Variants in MSH6 observed in about 807,000 individuals in gnomAD.
The protein encoded by MSH6 is DNA mismatch repair protein Msh6.
In MSH6, 85 loss-of-function variants were observed where a neutral mutation model predicts 119.1. That is an observed-to-expected ratio of 0.71 (90% confidence interval 0.60 to 0.85). The LOEUF (loss-of-function observed/expected upper bound fraction) is 0.85. Ranked by LOEUF, MSH6 falls within the 40% of genes least tolerant of loss-of-function variation. The probability of loss-of-function intolerance (pLI) is 0.00; values close to 1 mark genes in which losing one functional copy is unlikely to be tolerated. For missense variants in MSH6, 2,163 were observed against 1,655.3 expected (o/e 1.31, Z -5.32); for synonymous variants, 830 against 586.9 (o/e 1.41, Z -5.99).
At position 47,806,301 on chromosome 2, in the gene MSH6, C is replaced by T. The variant is rs1670056970; in HGVS notation, c.3744C>T (p.His1248=). 1 of 1,614,064 alleles carries T rather than the reference C, an allele frequency of 6.2e-7. No individual in the cohort carries two copies. The highest frequency in any genetic ancestry group is 8.5e-7 in the Non-Finnish European group (1 of 1,179,926). ...TIKCRTLFST[H]YHSLVEDYSQ... is the part of the protein sequence containing the mutation. ...AATGTCGTACATTATTTTCAACTCA[C>T]TACCATTCATTAGTAGAAGATTATT... Residue 1248 remains histidine (H), a synonymous_variant, in exon 8 of 10, where the codon CAC becomes CAT. Transcript: ENST00000234420.
intron 4 of MSH6, among the ~76,000 whole-genome samples, chr2:47,802,635 G>GTTTTTTTTTTTTTTTTTTT (rs527836963): frequency 8.6e-6 from 1 of 115,912 alleles, no homozygotes. Flanking sequence ...GCCCAGCCCT[G>GTTTTTTTTTTTTTTTTTTT]TTTTTTTTTT....
At chr2:47,808,082 G>GTTA (rs778381112), downstream of MSH6, 4 of 1,560,434 alleles carry the variant, frequency 2.6e-6, no homozygotes, top group Non-Finnish European at 3.5e-6. Flanking sequence ...AAGTTATGAT[G>GTTA]TTACAATGGC....
At chr2:47,789,289 A>G (rs1050711774) in intron 1 of MSH6, 1 of 370,090 alleles carries the variant, frequency 2.7e-6, no homozygotes, top group East Asian at 7.6e-5. Flanking sequence ...TGGTATATAA[A>G]GGATAAAATG....
At chr2:47,801,406 T>A (rs1180653721) in intron 4 of MSH6, 2 of 385,324 alleles carry the variant, frequency 5.2e-6, no homozygotes, top group Non-Finnish European at 9.3e-6. Flanking sequence ...TCTTGCTCTG[T>A]TGCCCAGGCT....
rs572317219 is a variant in MSH6, at chr2:47,798,658, T to G, written c.675T>G (p.Ile225Met). Residue 225 changes from isoleucine to methionine, a missense_variant, in exon 4 of 10, where the codon ATT becomes ATG. By Grantham distance (10) the Ile-to-Met change is conservative (BLOSUM62 1). Coordinates refer to ENST00000234420, the MANE Select transcript of MSH6 (RefSeq NM_000179.3). The stretch of plus-strand genomic sequence containing the variant: ...ATAAGAGTGAAGAAGATAATGAAAT[T>G]GAGAGTGAAGAGGAAGTACAGCCTA... ...VTDKSEEDNE[I>M]ESEEEVQPKT... is the part of the protein sequence containing the mutation. 6.2e-7 allele frequency: 1 copy of G among 1,613,284 alleles called. No homozygotes were observed.
chr2:47,798,975 C>T lies in MSH6; in HGVS notation c.992C>T (p.Ser331Leu), dbSNP rs1669281225. 1 of 1,614,214 alleles carries T rather than the reference C, an allele frequency of 6.2e-7. No homozygotes were observed. Among genetic ancestry groups the T allele is most frequent in the Non-Finnish European group, 8.5e-7 (1 of 1,180,040 alleles). ...ACCAAACAAGCAACTAGCATTTCAT[C>T]AGAAACCAAGAATACTTTGAGAGCT... is the stretch of plus-strand genomic sequence containing the variant. ...SATKQATSIS[S>L]ETKNTLRAFS... is the part of the protein sequence containing the mutation. The change falls in exon 4 of 10, where the codon TCA (serine) becomes TTA (leucine). Residue 331 changes from serine to leucine, a missense_variant. By Grantham distance (145) the Ser-to-Leu change is moderately radical. Transcript: ENST00000234420.
intron 2 of MSH6, among the ~76,000 whole-genome samples, chr2:47,793,041 C>T (rs1269796190): frequency 6.6e-6 from 1 of 151,486 alleles, no homozygotes; most frequent in Non-Finnish European, 1.5e-5. Flanking sequence ...TGCACTGGGG[C>T]CGGGCATGGT....
chr2:47,796,377 C>T (rs1669097145), intron 3 of MSH6, among the ~76,000 whole-genome samples: 1 of 151,890 alleles, frequency 6.6e-6, no homozygotes, highest in Non-Finnish European at 1.5e-5. Context: ...AGGGTATAGT[C>T]AGGCCCTAGA....
intron 1 of MSH6, 25 bp downstream of exon 1, chr2:47,783,518 A>C (rs267608027): frequency 7.4e-7 from 1 of 1,356,846 alleles, no homozygotes; most frequent in Non-Finnish European, 9.5e-7. Context: ...GTGGGGTCGA[A>C]GGCGGGGGCA....
intron 1 of MSH6, among the ~76,000 whole-genome samples, chr2:47,789,760 C>A (rs950372513): frequency 6.6e-6 from 1 of 152,168 alleles, no homozygotes; most frequent in Non-Finnish European, 1.5e-5. Flanking sequence ...AGATTACGTA[C>A]AATACCTAAT....
At chr2:47,807,557 G>A (rs1670307651), downstream of MSH6, 1 of 214,170 alleles carries the variant, frequency 4.7e-6, no homozygotes, top group Admixed American at 5.7e-5. Context: ...AAGTCTAGGT[G>A]TGCTAACAAA....
intron 9 of MSH6, 63 bp downstream of exon 9, chr2:47,806,714 A>AGGGGAAGGGAT: frequency 6.4e-7 from 1 of 1,573,764 alleles, no homozygotes; most frequent in Non-Finnish European, 8.7e-7. Flanking sequence ...AAACAGTAAA[A>AGGGGAAGGGAT]GGGGAAGGGA....
downstream of MSH6, chr2:47,806,990 T>TA: frequency 1.3e-6 from 1 of 745,316 alleles, no homozygotes; most frequent in Admixed American, 2.2e-5. Flanking sequence ...ATTAAACCCT[T>TA]TTAATTCTTA....
intron 7 of MSH6, 56 bp downstream of exon 7, chr2:47,805,763 A>G (rs1669987042): frequency 2.3e-6 from 3 of 1,279,350 alleles, no homozygotes; most frequent in East Asian, 2.3e-5. Flanking sequence ...ATTTGTACAA[A>G]TAACTATTTT....
At chr2:47,783,566 C>A in intron 1 of MSH6, 73 bp downstream of exon 1, 1 of 1,347,674 alleles carries the variant, frequency 7.4e-7, no homozygotes, top group Non-Finnish European at 9.6e-7. Flanking sequence ...AGGGGAGGCT[C>A]GCACAGGGGG....
At chr2:47,806,699 C>T (rs2104571360) in intron 9 of MSH6, 48 bp downstream of exon 9, 1 of 1,571,488 alleles carries the variant, frequency 6.4e-7, no homozygotes, top group Non-Finnish European at 8.7e-7. Context: ...CCTTAAGTTT[C>T]AAAGAAACAG....
At chr2:47,807,039 A>ATATT, downstream of MSH6, 2 of 618,862 alleles carry the variant, frequency 3.2e-6, no homozygotes, top group South Asian at 1.9e-5. Context: ...ACTCCACAAT[A>ATATT]TATTAAGTCT....
At chr2:47,802,778 G>C (rs1237969793) in intron 4 of MSH6, among the ~76,000 whole-genome samples, 1 of 151,926 alleles carries the variant, frequency 6.6e-6, no homozygotes, top group African/African-American at 2.4e-5. Flanking sequence ...TTGGTTACTG[G>C]GTAATTTAAA....
At chr2:47,793,365 C>G (rs560381841) in intron 2 of MSH6, among the ~76,000 whole-genome samples, 2 of 144,532 alleles carry the variant, frequency 1.4e-5, no homozygotes, top group East Asian at 2.0e-4. Context: ...CACGGTGGCT[C>G]GCGCCTGTAA....
Sources: gnomAD v4.1 joint callset for allele counts (sites outside exome capture counted in the v4.1 genomes callset) on GRCh38, gnomAD v4.1.1 for gene constraint, MANE v1.5 for transcripts, NCBI Gene and HGNC (gene_info 2026-07-23, HGNC 2026-07-21) for gene names.